The following COL5A2 variants were observed in gnomAD, a reference collection of about 807,000 sequenced individuals.
COL5A2 encodes the protein collagen alpha-2(V) chain.
In COL5A2, 23 loss-of-function variants were observed where a neutral mutation model predicts 208.2. That is an observed-to-expected ratio of 0.11 (90% CI 0.08 to 0.16). The LOEUF (loss-of-function observed/expected upper bound fraction) is 0.16. Among genes scored for constraint, COL5A2 ranks in the 10% least tolerant of loss-of-function variants. The probability of loss-of-function intolerance (pLI) is 1.00; values close to 1 mark genes in which losing one functional copy is unlikely to be tolerated. For synonymous variants in COL5A2, 625 were observed against 628.5 expected, an observed-to-expected ratio of 0.99 and a Z score of 0.08; for missense variants, 1,590 against 1,956.4, an observed-to-expected ratio of 0.81 and a Z score of 3.53.
At chr2:189,057,162 T>G in intron 34 of COL5A2, 136 bp from the exon 35 acceptor site, 3 of 1,092,258 alleles carry the variant, frequency 2.7e-6, no homozygotes, top group Non-Finnish European at 4.2e-6. Context: ...TGCCTCACAC[T>G]GTGCATTTTC....
At chr2:189,238,011 A>G in the COL5A2 span, among the ~76,000 whole-genome samples, 10 of 151,988 alleles carry the variant, frequency 6.6e-5, no homozygotes, top group Middle Eastern at 3.4e-3. Flanking sequence ...CATAATTGAA[A>G]TTGTCCATGG....
chr2:189,378,555 T>G, the COL5A2 span, among the ~76,000 whole-genome samples: 452 of 152,102 alleles, frequency 3.0e-3, 2 homozygotes, highest in African/African-American at 9.8e-3. Context: ...AAACCCCGTC[T>G]CTACTAAAAA....
the COL5A2 span, among the ~76,000 whole-genome samples, chr2:189,345,656 C>CA: frequency 5.9e-5 from 9 of 152,206 alleles, no homozygotes; most frequent in African/African-American, 1.9e-4. Context: ...TGGGTCAAGT[C>CA]AAAATCATAA....
At chr2:189,121,614 C>T (rs1687501552) in intron 1 of COL5A2, among the ~76,000 whole-genome samples, 1 of 150,898 alleles carries the variant, frequency 6.6e-6, no homozygotes, top group Admixed American at 6.7e-5. Context: ...ACTCTAGCCA[C>T]ACTGGGACAA....
intron 1 of COL5A2, among the ~76,000 whole-genome samples, chr2:189,191,167 C>CCAAAAAA (rs1364875796): frequency 5.6e-5 from 7 of 124,872 alleles, no homozygotes; most frequent in East Asian, 2.3e-4. Flanking sequence ...AACAAACAAA[C>CCAAAAAA]AACAAAAAAC....
the COL5A2 span, among the ~76,000 whole-genome samples, chr2:189,231,966 C>A: frequency 6.6e-6 from 1 of 151,594 alleles, no homozygotes; most frequent in Non-Finnish European, 1.5e-5. Flanking sequence ...ACATTCCACA[C>A]GACTAGAAAG....
chr2:189,380,772 A>G, the COL5A2 span, among the ~76,000 whole-genome samples: 1 of 152,016 alleles, frequency 6.6e-6, no homozygotes, highest in Non-Finnish European at 1.5e-5. Flanking sequence ...AGTACCAGAA[A>G]ATAATAGAAC....
chr2:189,256,692 C>A, the COL5A2 span, among the ~76,000 whole-genome samples: 1 of 152,146 alleles, frequency 6.6e-6, no homozygotes, highest in East Asian at 1.9e-4. Flanking sequence ...CGCTCTGTTG[C>A]CCAGACTGGA....
At chr2:189,189,420 G>A (rs1358192307) in intron 1 of COL5A2, among the ~76,000 whole-genome samples, 1 of 152,096 alleles carries the variant, frequency 6.6e-6, no homozygotes, top group Non-Finnish European at 1.5e-5. Flanking sequence ...AATATATGAT[G>A]CCCCTGTAAT....
At chr2:189,427,561 C>T in the COL5A2 span, among the ~76,000 whole-genome samples, 1 of 152,170 alleles carries the variant, frequency 6.6e-6, no homozygotes, top group Non-Finnish European at 1.5e-5. Flanking sequence ...GCTCCACCAA[C>T]AGCTTGGATC....
At chr2:189,211,368 A>G (rs540072301) in intron 1 of COL5A2, among the ~76,000 whole-genome samples, 2 of 152,228 alleles carry the variant, frequency 1.3e-5, no homozygotes, top group Non-Finnish European at 2.9e-5. Flanking sequence ...ATCAAAACAC[A>G]TATTTTAAAA....
chr2:189,321,228 A>G, the COL5A2 span, among the ~76,000 whole-genome samples: 2 of 152,222 alleles, frequency 1.3e-5, no homozygotes, highest in Admixed American at 6.5e-5. Flanking sequence ...AATTGTAAAG[A>G]CCATCGATGC....
At chr2:189,071,913 T>C in intron 18 of COL5A2, 127 bp downstream of exon 18, 1 of 620,416 alleles carries the variant, frequency 1.6e-6, no homozygotes, top group Non-Finnish European at 2.9e-6. Context: ...AAAATGAGCA[T>C]ACTCTAGGCT....
At chr2:189,203,329 C>G (rs899426973) in intron 1 of COL5A2, among the ~76,000 whole-genome samples, 1 of 152,182 alleles carries the variant, frequency 6.6e-6, no homozygotes, top group African/African-American at 2.4e-5. Context: ...CCCATAAATA[C>G]AGGAGAAACT....
chr2:189,394,267 A>ATTAACT, the COL5A2 span, among the ~76,000 whole-genome samples: 4,227 of 152,176 alleles, frequency 0.028, 194 homozygotes, highest in African/African-American at 0.097. Flanking sequence ...AAAAAAAAAC[A>ATTAACT]TTAGATTCTT....
At chr2:189,406,187 A>G in the COL5A2 span, among the ~76,000 whole-genome samples, 1 of 152,222 alleles carries the variant, frequency 6.6e-6, no homozygotes, top group Non-Finnish European at 1.5e-5. Flanking sequence ...ATCATTATCA[A>G]ACATGTGTTG....
chr2:189,307,414 A>C, the COL5A2 span, among the ~76,000 whole-genome samples: 473 of 152,314 alleles, frequency 3.1e-3, 3 homozygotes, highest in Middle Eastern at 0.014. Flanking sequence ...GAGGTAATAA[A>C]AATTAAAAAT....
At chr2:189,098,035 T>TCCCCC (rs770630921) in intron 5 of COL5A2, among the ~76,000 whole-genome samples, 5,478 of 150,466 alleles carry the variant, frequency 0.036, 87 homozygotes, top group Middle Eastern at 0.062. Flanking sequence ...AAAATGTTTT[T>TCCCCC]CCCCCCCTGG....
chr2:189,254,814 C>G, the COL5A2 span, among the ~76,000 whole-genome samples: 3 of 152,178 alleles, frequency 2.0e-5, no homozygotes, highest in African/African-American at 7.2e-5. Flanking sequence ...ATTTGGGAAG[C>G]AAACCACCTC....
Sources: allele counts gnomAD v4.1 joint callset (sites outside exome capture counted in the v4.1 genomes callset), GRCh38; gene constraint gnomAD v4.1.1; transcripts MANE v1.5; gene names NCBI Gene and HGNC (gene_info 2026-07-23, HGNC 2026-07-21).